The following MAST4 variants were observed in gnomAD, a reference collection of about 807,000 sequenced individuals.
MAST4 encodes the protein microtubule-associated serine/threonine-protein kinase 4.
MAST4 carries 89 observed loss-of-function variants against 162.7 expected under a neutral mutation model. The ratio of observed to expected loss-of-function variants is 0.55; its 90% confidence interval spans 0.46 to 0.65. The LOEUF is 0.65. Among genes scored for constraint, MAST4 ranks in the 30% least tolerant of loss-of-function variants. The pLI is 0.00. For missense variants in MAST4, 3,153 were observed against 3,374.0 expected, an observed-to-expected ratio of 0.93 and a Z score of 1.62; for synonymous variants, 1,479 against 1,361.1, an observed-to-expected ratio of 1.09 and a Z score of -1.91.
intron 1 of MAST4, among the ~76,000 whole-genome samples, chr5:66,635,694 C>CT (rs201432419): frequency 0.058 from 8,495 of 145,458 alleles, 806 homozygotes; most frequent in African/African-American, 0.2. Context: ...TTTTCTTTTT[C>CT]TTTTTTTTTT....
At chr5:66,810,975 A>G (rs971107747) in intron 3 of MAST4, among the ~76,000 whole-genome samples, 1 of 152,172 alleles carries the variant, frequency 6.6e-6, no homozygotes, top group Non-Finnish European at 1.5e-5. Context: ...CTTTCCCTCT[A>G]TTCTTCTAAG....
At chr5:66,732,421 G>C (rs79918637) in intron 1 of MAST4, among the ~76,000 whole-genome samples, 3,614 of 152,072 alleles carry the variant, frequency 0.024, 134 homozygotes, top group African/African-American at 0.082. Flanking sequence ...TCTTAACATT[G>C]CCTCTTCTTC....
chr5:66,946,000 A>G (rs1436997434), intron 4 of MAST4, among the ~76,000 whole-genome samples: 1 of 152,296 alleles, frequency 6.6e-6, no homozygotes, highest in East Asian at 1.9e-4. Flanking sequence ...AAAATAACGC[A>G]GCCTCTCTCT....
intron 1 of MAST4, among the ~76,000 whole-genome samples, chr5:66,659,711 G>A (rs1406306491): frequency 6.6e-6 from 1 of 152,202 alleles, no homozygotes; most frequent in African/African-American, 2.4e-5. Flanking sequence ...GAGATGCAAA[G>A]ATGAAGAAAG....
At chr5:67,146,842 C>T (rs1353517588) in intron 23 of MAST4, among the ~76,000 whole-genome samples, 1 of 152,162 alleles carries the variant, frequency 6.6e-6, no homozygotes, top group Non-Finnish European at 1.5e-5. Context: ...GACTAAGATG[C>T]CTGACCATCT....
At chr5:66,995,370 T>A (rs1212259668) in intron 4 of MAST4, among the ~76,000 whole-genome samples, 1 of 152,170 alleles carries the variant, frequency 6.6e-6, no homozygotes, top group Non-Finnish European at 1.5e-5. Context: ...ATAATAGGAC[T>A]GTCAAATGTG....
intron 3 of MAST4, among the ~76,000 whole-genome samples, chr5:66,800,401 A>T (rs184148736): frequency 1.2e-3 from 187 of 152,318 alleles, no homozygotes; most frequent in African/African-American, 4.3e-3. Flanking sequence ...AGAAACATGG[A>T]TGGAGCTGGA....
At chr5:66,760,076 CCTAT>C (rs1389430292) in intron 2 of MAST4, among the ~76,000 whole-genome samples, 14 of 108,756 alleles carry the variant, frequency 1.3e-4, no homozygotes, top group East Asian at 4.7e-4. Context: ...GACAATATCC[CCTAT>C]TTATTTATTT....
chr5:66,830,164 G>C (rs1757505562), intron 3 of MAST4, among the ~76,000 whole-genome samples: 1 of 152,160 alleles, frequency 6.6e-6, no homozygotes, highest in African/African-American at 2.4e-5. Context: ...ACTCTGAATA[G>C]TTCAGATTAT....
intron 1 of MAST4, among the ~76,000 whole-genome samples, chr5:66,753,174 C>G (rs1753297934): frequency 1.3e-5 from 2 of 152,052 alleles, no homozygotes; most frequent in African/African-American, 2.4e-5. Flanking sequence ...AAACTTATAG[C>G]ACTAAATGCC....
chr5:67,051,018 G>A (rs775499012), intron 4 of MAST4, among the ~76,000 whole-genome samples: 2 of 151,906 alleles, frequency 1.3e-5, no homozygotes, highest in Admixed American at 6.6e-5. Flanking sequence ...TCATTTTTGC[G>A]GTCATGTCCC....
rs144120094 is a variant in MAST4 at position 66,683,764 on chromosome 5, G to C, written c.364-75945G>C. 9.9e-5 allele frequency among the ~76,000 whole-genome samples: 15 copies of C among 152,262 alleles called. No homozygotes were observed. The East Asian group carries it at 2.9e-3, about 29-fold the overall frequency. On this transcript the variant is annotated intron_variant, in intron 1 of 28. Coordinates refer to ENST00000403625, the MANE Select transcript of MAST4 (RefSeq NM_001164664.2). ...CCCAGGATAAGTAAGTTAGACTCCTGGGATCCATCCTCCAGCTTGCTTTTC... is the reference window on the plus strand; with the variant it reads ...CCCAGGATAAGTAAGTTAGACTCCTCGGATCCATCCTCCAGCTTGCTTTTC...
intron 7 of MAST4, among the ~76,000 whole-genome samples, chr5:67,096,187 A>G (rs556842226): frequency 2.0e-5 from 3 of 152,342 alleles, no homozygotes; most frequent in African/African-American, 7.2e-5. Flanking sequence ...ACAACTTAGA[A>G]GAAGGTTAAG....
At chr5:66,970,683 G>C (rs1747323922) in intron 4 of MAST4, among the ~76,000 whole-genome samples, 1 of 152,192 alleles carries the variant, frequency 6.6e-6, no homozygotes, top group African/African-American at 2.4e-5. Flanking sequence ...AAATTACTAA[G>C]CTAGATATTT....
intron 2 of MAST4, among the ~76,000 whole-genome samples, chr5:66,765,197 A>T (rs1044706516): frequency 2.0e-5 from 3 of 152,210 alleles, no homozygotes; most frequent in African/African-American, 7.2e-5. Context: ...GCACAATGAC[A>T]GAATTGCCTA....
At position 67,167,005 on chromosome 5, in the gene MAST4, G is replaced by T. The variant is rs755218558; in HGVS notation, c.7826G>T (p.Arg2609Leu). 4 of 1,607,070 alleles carry T rather than the reference G, an allele frequency of 2.5e-6. No individual in the cohort carries two copies. The highest frequency in any genetic ancestry group is 3.4e-5 in the Admixed American group (2 of 58,926). The change falls in exon 29 of 29, where the codon CGG (arginine) becomes CTG (leucine). Residue 2609 changes from arginine (R) to leucine (L), a missense_variant. By Grantham distance (102) the Arg-to-Leu change is moderately radical. This residue lies in a region of MAST4 where 1,644 missense variants were observed against 1,495.0 expected (regional missense o/e 1.10). Transcript: ENST00000403625. ...NEKDFVVRQR[R>L]GKESLRSSPH... ...AAGGACTTTGTGGTACGGCAGAGGC[G>T]GGGGAAAGAGAGTTTGCGTAGCAGC...
intron 1 of MAST4, among the ~76,000 whole-genome samples, chr5:66,699,895 T>G (rs767213218): frequency 1.6e-4 from 25 of 152,078 alleles, no homozygotes; most frequent in Non-Finnish European, 3.5e-4. Flanking sequence ...ACGTGCATAT[T>G]CTGCACATAT....
intron 4 of MAST4, among the ~76,000 whole-genome samples, chr5:66,965,439 G>C (rs1405684114): frequency 6.6e-6 from 1 of 151,762 alleles, no homozygotes; most frequent in Non-Finnish European, 1.5e-5. Flanking sequence ...TAGTAGAAGA[G>C]AAAAGAAAAT....
At chr5:66,783,795 A>C (rs1189453155) in intron 2 of MAST4, among the ~76,000 whole-genome samples, 1 of 152,172 alleles carries the variant, frequency 6.6e-6, no homozygotes, top group Non-Finnish European at 1.5e-5. Context: ...GAGACGTAAC[A>C]AAACTGCAGT....
Sources: allele counts gnomAD v4.1 joint callset (sites outside exome capture counted in the v4.1 genomes callset), GRCh38; gene constraint gnomAD v4.1.1; regional missense constraint gnomAD v4.1.1; transcripts MANE v1.5; gene names NCBI Gene and HGNC (gene_info 2026-07-23, HGNC 2026-07-21).